Variants in ARHGAP44 observed in about 807,000 individuals in gnomAD.
ARHGAP44 encodes rho GTPase-activating protein 44.
A neutral mutation model predicts 106.8 loss-of-function variants in ARHGAP44; 43 were observed. That is an observed-to-expected ratio of 0.40 (90% CI 0.32 to 0.52). The LOEUF (loss-of-function observed/expected upper bound fraction) is 0.52, where lower values mean the gene tolerates loss of function less well. Ranked by LOEUF, ARHGAP44 falls within the 20% of genes least tolerant of loss-of-function variation. The probability of loss-of-function intolerance (pLI) is 0.48; values close to 1 mark genes in which losing one functional copy is unlikely to be tolerated. For synonymous variants in ARHGAP44, 439 were observed against 410.3 expected (o/e 1.07, Z -0.85); for missense variants, 866 against 1,050.5 (o/e 0.82, Z 2.43).
At chr17:12,906,576 C>T (rs2037555925) in intron 3 of ARHGAP44, among the ~76,000 whole-genome samples, 1 of 152,114 alleles carries the variant, frequency 6.6e-6, no homozygotes, top group Non-Finnish European at 1.5e-5. Context: ...AAATGAACAG[C>T]CAGATGAAAA....
At chr17:12,926,797 T>C (rs1032249983) in intron 6 of ARHGAP44, among the ~76,000 whole-genome samples, 8 of 152,030 alleles carry the variant, frequency 5.3e-5, no homozygotes, top group African/African-American at 1.9e-4. Flanking sequence ...AGTCACTTTA[T>C]ATATATTTTA....
chr17:12,801,439 C>G (rs576921841), intron 1 of ARHGAP44, among the ~76,000 whole-genome samples: 1 of 152,308 alleles, frequency 6.6e-6, no homozygotes, highest in Non-Finnish European at 1.5e-5. Context: ...CTTGTTGCTG[C>G]TGGTTGCATA....
intron 1 of ARHGAP44, among the ~76,000 whole-genome samples, chr17:12,833,338 A>G (rs1460336863): frequency 6.6e-6 from 1 of 152,208 alleles, no homozygotes; most frequent in Non-Finnish European, 1.5e-5. Flanking sequence ...TCCTGATGAC[A>G]TAATAACCCC....
chr17:12,793,445 C>A (rs750274134), intron 1 of ARHGAP44, among the ~76,000 whole-genome samples: 1 of 152,098 alleles, frequency 6.6e-6, no homozygotes, highest in East Asian at 1.9e-4. Flanking sequence ...TGGTGGCTCA[C>A]GCCTGTAGTC....
At chr17:12,912,459 A>G (rs571205942) in intron 4 of ARHGAP44, among the ~76,000 whole-genome samples, 1 of 152,294 alleles carries the variant, frequency 6.6e-6, no homozygotes, top group South Asian at 2.1e-4. Context: ...GGATCAATCC[A>G]GGAAGTCTTA....
intron 1 of ARHGAP44, among the ~76,000 whole-genome samples, chr17:12,847,591 G>A (rs1411242303): frequency 7.0e-6 from 1 of 143,702 alleles, no homozygotes; most frequent in Non-Finnish European, 1.5e-5. Context: ...TCGGCTCACT[G>A]CAAGCTCCGC....
At chr17:12,846,264 C>CT (rs34157935) in intron 1 of ARHGAP44, among the ~76,000 whole-genome samples, 17 of 151,566 alleles carry the variant, frequency 1.1e-4, no homozygotes, top group Non-Finnish European at 1.6e-4. Flanking sequence ...AACATGTTAA[C>CT]TTTTTTTTTA....
chr17:12,951,633 G>A (rs951651167), intron 12 of ARHGAP44, among the ~76,000 whole-genome samples: 9 of 152,122 alleles, frequency 5.9e-5, no homozygotes, highest in African/African-American at 2.2e-4. Context: ...AAATAGAAAT[G>A]ATCCAGATGA....
At chr17:12,946,785 A>C (rs374447023) in intron 10 of ARHGAP44, among the ~76,000 whole-genome samples, 3 of 143,574 alleles carry the variant, frequency 2.1e-5, no homozygotes, top group African/African-American at 8.0e-5. Flanking sequence ...TGGGCAACAG[A>C]GTGAGACTCT....
Position 12,791,403 on chromosome 17 carries a change from T to C in ARHGAP44, c.53+1512T>C, listed in dbSNP as rs551356834. ...CAGTCAAGCCGACCCGTCTTTAATG[T>C]CTTGGCTTCTTCGTCACCCTGCAGG... On this transcript the variant is annotated intron_variant, in intron 1 of 20. Coordinates refer to ENST00000379672, the MANE Select transcript of ARHGAP44 (RefSeq NM_014859.6). Among the ~76,000 whole-genome samples the C allele has an allele frequency of 2.2e-4, 34 of 152,330 alleles. No homozygotes were observed. In the East Asian group the frequency reaches 6.6e-3, roughly 29 times the overall value.
chr17:12,920,320 GA>G (rs2038040614), intron 6 of ARHGAP44, among the ~76,000 whole-genome samples: 1 of 129,062 alleles, frequency 7.7e-6, no homozygotes, highest in African/African-American at 3.7e-5. Flanking sequence ...AGCTTGCAGT[GA>G]GCCGAGATCA....
intron 1 of ARHGAP44, among the ~76,000 whole-genome samples, chr17:12,857,008 C>A (rs1330598362): frequency 6.6e-6 from 1 of 152,132 alleles, no homozygotes; most frequent in Non-Finnish European, 1.5e-5. Flanking sequence ...AGCAAAATTT[C>A]TCTCTTCCCA....
intron 3 of ARHGAP44, among the ~76,000 whole-genome samples, chr17:12,900,532 C>T (rs891445020): frequency 2.0e-5 from 3 of 152,176 alleles, no homozygotes; most frequent in Non-Finnish European, 2.9e-5. Flanking sequence ...TTGCATTTCT[C>T]ATTAGGAAGT....
intron 1 of ARHGAP44, among the ~76,000 whole-genome samples, chr17:12,835,745 C>A (rs112602085): frequency 2.8e-4 from 43 of 152,196 alleles, no homozygotes; most frequent in African/African-American, 9.9e-4. Flanking sequence ...ATCTCCAGAA[C>A]TTTTTCATCT....
chr17:12,853,080 G>C (rs1236189656), intron 1 of ARHGAP44, among the ~76,000 whole-genome samples: 2 of 152,162 alleles, frequency 1.3e-5, no homozygotes, highest in African/African-American at 2.4e-5. Context: ...ACAATAGGCT[G>C]TCTGCAAGCT....
intron 10 of ARHGAP44, among the ~76,000 whole-genome samples, chr17:12,947,967 G>A (rs1334894310): frequency 6.6e-6 from 1 of 152,168 alleles, no homozygotes; most frequent in African/African-American, 2.4e-5. Context: ...TCCAGAGTAG[G>A]AACACTTTTT....
Position 12,955,981 on chromosome 17 carries a change from G to A in ARHGAP44, c.1250+1G>A. 1 of 1,607,842 alleles carries A rather than the reference G, an allele frequency of 6.2e-7. No homozygotes were observed. Among genetic ancestry groups the A allele is most frequent in the Non-Finnish European group, 8.5e-7 (1 of 1,174,796 alleles). On this transcript the variant is annotated splice_donor_variant, in intron 14 of 20. Coordinates refer to ENST00000379672, the MANE Select transcript of ARHGAP44 (RefSeq NM_014859.6). LOFTEE classifies it high-confidence loss of function. Reference sequence around the variant, plus strand: ...ACCTCCTATGGCCACAAGCAGAAGGGTAAGTACAGGGCGGAGAAGTAATGT... The same window carrying A: ...ACCTCCTATGGCCACAAGCAGAAGGATAAGTACAGGGCGGAGAAGTAATGT...
In ARHGAP44 at chr17:12,935,858, C is replaced by T. The variant is rs114321189; in HGVS notation, c.583-5198C>T. 9.5e-3 allele frequency among the ~76,000 whole-genome samples: 1,445 copies of T among 152,004 alleles called. 23 individuals carry two copies. The highest frequency in any genetic ancestry group is 0.033 in the African/African-American group (1,384 of 41,464). On this transcript the variant is annotated intron_variant, in intron 7 of 20. Transcript: ENST00000379672. Reference sequence around the variant, plus strand: ...GCAGATGTTGAAGATAATGGAAAACCAATGTACAGATAATAGGGGATCCTG... The same window carrying T: ...GCAGATGTTGAAGATAATGGAAAACTAATGTACAGATAATAGGGGATCCTG...
chr17:12,829,948 G>A (rs923094723), intron 1 of ARHGAP44, among the ~76,000 whole-genome samples: 38 of 152,124 alleles, frequency 2.5e-4, no homozygotes, highest in African/African-American at 8.7e-4. Context: ...ATGTATCTTG[G>A]TACCTACAAG....
Sources: gnomAD v4.1 joint callset for allele counts (sites outside exome capture counted in the v4.1 genomes callset) on GRCh38, gnomAD v4.1.1 for gene constraint, MANE v1.5 for transcripts, NCBI Gene and HGNC (gene_info 2026-07-23, HGNC 2026-07-21) for gene names.